DSCAML1: variants seen among roughly 807,000 people sequenced by gnomAD.
DSCAML1 encodes the protein DS cell adhesion molecule like 1, also known as cell adhesion molecule DSCAML1.
A neutral mutation model predicts 200.5 loss-of-function variants in DSCAML1; 38 were observed. That is an observed-to-expected ratio of 0.19 (90% CI 0.15 to 0.25). DSCAML1 has a LOEUF of 0.25. Ranked by LOEUF, DSCAML1 falls within the 10% of genes least tolerant of loss-of-function variation. The pLI, the probability that DSCAML1 is intolerant of heterozygous loss-of-function variation, is 1.00. For synonymous variants in DSCAML1, 1,215 were observed against 1,165.0 expected (o/e 1.04, Z -0.87); for missense variants, 2,223 against 2,858.8 (o/e 0.78, Z 5.07).
intron 3 of DSCAML1, among the ~76,000 whole-genome samples, chr11:117,626,176 T>A (rs1647049017): frequency 6.7e-6 from 1 of 149,686 alleles, no homozygotes; most frequent in African/African-American, 2.5e-5. Flanking sequence ...GGGCGGTGTT[T>A]AGCACAGCCC....
intron 3 of DSCAML1, among the ~76,000 whole-genome samples, chr11:117,551,664 G>T (rs1398135518): frequency 6.6e-6 from 1 of 152,158 alleles, no homozygotes; most frequent in African/African-American, 2.4e-5. Context: ...GGTAGTTGCT[G>T]CCCCCAGAAC....
At chr11:117,736,464 CT>C (rs1403309787) in intron 3 of DSCAML1, among the ~76,000 whole-genome samples, 1 of 152,212 alleles carries the variant, frequency 6.6e-6, no homozygotes, top group Non-Finnish European at 1.5e-5. Context: ...CCATCACATG[CT>C]ACTGGTCACA....
At chr11:117,439,515 C>G in intron 22 of DSCAML1, 86 bp from the exon 23 acceptor site, 8 of 1,521,102 alleles carry the variant, frequency 5.3e-6, no homozygotes, top group Non-Finnish European at 4.4e-6. Flanking sequence ...ACAAAGAGAG[C>G]TGGGGGTGGA....
Position 117,480,265 on chromosome 11 carries a change from G to A in DSCAML1, c.2785+178C>T, listed in dbSNP as rs938391688. Among the ~76,000 whole-genome samples the A allele has an allele frequency of 6.6e-5, 10 of 152,148 alleles. No homozygotes were observed. The highest frequency in any genetic ancestry group is 2.2e-4 in the African/African-American group (9 of 41,428). ...CATCTTCCACCCGGACTCCTAGCCC[G>A]GCCAGTGTCCCTCCCTTCAGAAGCC... On this transcript the variant is annotated intron_variant, in intron 14 of 32. Coordinates refer to ENST00000651296, the MANE Select transcript of DSCAML1 (RefSeq NM_020693.4). This position sits in a 1 kb window ranked among gnomAD's most constrained non-coding sequence, Gnocchi z 4.1.
intron 3 of DSCAML1, among the ~76,000 whole-genome samples, chr11:117,686,192 G>A (rs1203346354): frequency 1.3e-5 from 2 of 152,204 alleles, no homozygotes; most frequent in East Asian, 3.8e-4. Flanking sequence ...AGCTGGGAAG[G>A]AGTGATAGGG....
Position 117,518,341 on chromosome 11 carries a change from G to A in DSCAML1, c.1510+125C>T, listed in dbSNP as rs999733829. 1 of 1,319,840 alleles carries A rather than the reference G, an allele frequency of 7.6e-7. No homozygotes were observed. The highest frequency in any genetic ancestry group is 1.1e-6 in the Non-Finnish European group (1 of 937,556). The allele number at this position is 1,319,840 out of a possible 1,614,324, so 81.8% of individuals were successfully genotyped here. A position where few individuals can be genotyped will look rare whatever the true frequency, so the allele number is the denominator to read the frequency against. ...GGAAAAGGGGACGAGAGAGGGGAGA[G>A]AGACCTCTACTAAAATCAAAATGAC... On this transcript the variant is annotated intron_variant, in intron 7 of 32. Coordinates refer to ENST00000651296, the MANE Select transcript of DSCAML1 (RefSeq NM_020693.4). The surrounding 1 kb of genome is among the most constrained non-coding windows in gnomAD (Gnocchi z 6.3).
intron 1 of DSCAML1, among the ~76,000 whole-genome samples, chr11:117,787,301 G>C (rs776913367): frequency 6.6e-6 from 1 of 152,174 alleles, no homozygotes; most frequent in Non-Finnish European, 1.5e-5. Context: ...TAAGTGCCTG[G>C]CACCACCTAA....
chr11:117,564,216 C>T (rs2050714092), intron 3 of DSCAML1, among the ~76,000 whole-genome samples: 1 of 152,180 alleles, frequency 6.6e-6, no homozygotes. Context: ...TAGAAATGTA[C>T]CAGGGTATGG....
intron 3 of DSCAML1, among the ~76,000 whole-genome samples, chr11:117,726,164 C>T (rs2054125417): frequency 6.6e-6 from 1 of 152,158 alleles, no homozygotes; most frequent in African/African-American, 2.4e-5. Flanking sequence ...GCAGATTGCT[C>T]AGCTTCTTTG....
At chr11:117,557,153 G>A (rs182329088) in intron 3 of DSCAML1, among the ~76,000 whole-genome samples, 16 of 152,332 alleles carry the variant, frequency 1.1e-4, no homozygotes, top group Admixed American at 9.1e-4. Context: ...GTTAGTCTAT[G>A]AGAGTCAGGT....
intron 3 of DSCAML1, among the ~76,000 whole-genome samples, chr11:117,533,229 T>TAAAAG (rs2050112058): frequency 6.6e-6 from 1 of 152,218 alleles, no homozygotes; most frequent in Non-Finnish European, 1.5e-5. Flanking sequence ...CCTACCTCTT[T>TAAAAG]GCAAGAGTTT....
chr11:117,474,284 A>G (rs1443723086), intron 14 of DSCAML1, among the ~76,000 whole-genome samples: 2 of 151,994 alleles, frequency 1.3e-5, no homozygotes, highest in East Asian at 1.9e-4. Flanking sequence ...TTCAGGAAAC[A>G]TCCCCCTACT....
At chr11:117,791,419 T>C (rs988745184) in intron 1 of DSCAML1, among the ~76,000 whole-genome samples, 3 of 152,210 alleles carry the variant, frequency 2.0e-5, no homozygotes, top group Non-Finnish European at 4.4e-5. Context: ...ACGCAGGCTT[T>C]ATGGCATGAA....
rs2055582053 is a variant in DSCAML1 at position 117,796,636 on chromosome 11, C to CCTA, written c.46+395_46+397dup. On this transcript the variant is annotated intron_variant, in intron 1 of 32. Transcript: ENST00000651296. Reference sequence around the variant, plus strand: ...TCCGAGGCCTGAATAAGCAAGGACTCCTAGGTCAAGAGTCACGGCCTGAGG... The same window carrying CCTA: ...TCCGAGGCCTGAATAAGCAAGGACTCCTACTAGGTCAAGAGTCACGGCCTGAGG... Among the ~76,000 whole-genome samples, 6 of 150,858 alleles carry CCTA rather than the reference C, an allele frequency of 4.0e-5. No individual in the cohort carries two copies. In the South Asian group the frequency reaches 1.2e-3, roughly 31 times the overall value.
intron 11 of DSCAML1, among the ~76,000 whole-genome samples, chr11:117,497,373 T>C (rs916152265): frequency 1.6e-4 from 25 of 152,280 alleles, no homozygotes; most frequent in Admixed American, 1.4e-3. Flanking sequence ...GGCTCAGGGC[T>C]GCAGACCTCC....
In DSCAML1 at chr11:117,450,704, G is replaced by C; in HGVS notation, c.3569-16C>G. ...GGACCTGGAACTGAGCAGGGAGAAG[G>C]CCTGGTCAGTTGAGAGAAAGCAGGA... is the stretch of plus-strand genomic sequence containing the variant. On this transcript the variant is annotated splice_polypyrimidine_tract_variant and intron_variant, in intron 19 of 32. Coordinates refer to ENST00000651296, the MANE Select transcript of DSCAML1 (RefSeq NM_020693.4). The C allele has an allele frequency of 6.2e-7, 1 of 1,611,840 alleles. No individual in the cohort carries two copies. Among genetic ancestry groups the C allele is most frequent in the Non-Finnish European group, 8.5e-7 (1 of 1,179,096 alleles).
intron 3 of DSCAML1, among the ~76,000 whole-genome samples, chr11:117,668,089 T>C (rs1473077450): frequency 6.6e-6 from 1 of 152,246 alleles, no homozygotes. Context: ...GTGGGTACTA[T>C]TATTCCCATT....
intron 1 of DSCAML1, among the ~76,000 whole-genome samples, chr11:117,814,324 C>T (rs994270761): frequency 1.3e-5 from 2 of 152,222 alleles, no homozygotes; most frequent in Non-Finnish European, 2.9e-5. Context: ...CACACGGATG[C>T]GCATGAAACT....
rs574455851 is a variant in DSCAML1, at chr11:117,741,187, G to A, written c.511+35604C>T. Among the ~76,000 whole-genome samples the A allele has an allele frequency of 6.6e-5, 10 of 152,346 alleles. 1 individual carries two copies. In the South Asian group the frequency reaches 2.1e-3, roughly 32 times the overall value. Reference sequence around the variant, plus strand: ...TTGCTGTAAAGCAGCCGCCCAGCCAGGGACTCTGCTTTCCCAGAACTCCTT... The same window carrying A: ...TTGCTGTAAAGCAGCCGCCCAGCCAAGGACTCTGCTTTCCCAGAACTCCTT... On this transcript the variant is annotated intron_variant, in intron 3 of 32. Transcript: ENST00000651296.
Sources: gnomAD v4.1 joint callset for allele counts (sites outside exome capture counted in the v4.1 genomes callset) on GRCh38, gnomAD v4.1.1 for gene constraint, Gnocchi (gnomAD v3.1) non-coding constraint, MANE v1.5 for transcripts, NCBI Gene and HGNC (gene_info 2026-07-23, HGNC 2026-07-21) for gene names.